The following CELF5 variants were observed in gnomAD, a reference collection of about 807,000 sequenced individuals.
The protein encoded by CELF5 is CUGBP Elav-like family member 5.
In CELF5, 6 loss-of-function variants were observed where a neutral mutation model predicts 54.9. The observed-to-expected ratio is 0.11, with a 90% CI of 0.06 to 0.22. The LOEUF (loss-of-function observed/expected upper bound fraction) is 0.22. CELF5 is among the 10% of genes least tolerant of loss of function. CELF5 has a pLI of 1.00. For synonymous variants in CELF5, 271 were observed against 290.9 expected (o/e 0.93, Z 0.70); for missense variants, 401 against 678.6 (o/e 0.59, Z 4.54).
At chr19:3,288,861 A>G (rs2080296030) in intron 10 of CELF5, among the ~76,000 whole-genome samples, 2 of 152,028 alleles carry the variant, frequency 1.3e-5, no homozygotes, top group African/African-American at 4.8e-5. Flanking sequence ...AAAAAAATCC[A>G]TTGCTGGCAA....
intron 2 of CELF5, among the ~76,000 whole-genome samples, chr19:3,256,679 C>T (rs1235480268): frequency 6.6e-6 from 1 of 150,434 alleles, no homozygotes; most frequent in Non-Finnish European, 1.5e-5. Flanking sequence ...AGCGATTCTC[C>T]TGCCTCAGCC....
chr19:3,230,756 C>T (rs143599536), intron 1 of CELF5, among the ~76,000 whole-genome samples: 8 of 152,274 alleles, frequency 5.3e-5, no homozygotes, highest in African/African-American at 1.7e-4. Context: ...TGCTCGTTTC[C>T]TTCACACCTG....
rs767517895 is a variant in CELF5, at chr19:3,281,376, C to T, written c.750+31C>T. ...TGACCCAGTGACAGCTTCGGGGCTC[C>T]GGCTCCGTCTCTCTCAGTCTCTGTC... is the stretch of plus-strand genomic sequence containing the variant. On this transcript the variant is annotated intron_variant, in intron 6 of 12. Coordinates refer to ENST00000292672, the MANE Select transcript of CELF5 (RefSeq NM_021938.4). The surrounding 1 kb of genome is among the most constrained non-coding windows in gnomAD (Gnocchi z 6.5). 16 of 1,579,970 alleles carry T rather than the reference C, an allele frequency of 1.0e-5. No individual in the cohort carries two copies. The highest frequency in any genetic ancestry group is 3.4e-5 in the Admixed American group (2 of 59,418).
At chr19:3,293,546 C>A (rs2145330370) in intron 12 of CELF5, 60 bp downstream of exon 12, 1 of 1,384,904 alleles carries the variant, frequency 7.2e-7, no homozygotes, top group East Asian at 2.5e-5. Flanking sequence ...AAACCCCCTC[C>A]CGCGGCCCAC....
In CELF5 at chr19:3,225,016, TC is replaced by T. The variant is rs780457278; in HGVS notation, c.259+24del. ...GCACAAAGGTGGGCGCCCGGCCCCC[TC>T]CCCCCTCTCCCCCTCCCTCCGCCTC... On this transcript the variant is annotated intron_variant, in intron 1 of 12. Transcript: ENST00000292672. The T allele has an allele frequency of 6.2e-6, 6 of 966,974 alleles. No individual in the cohort carries two copies. In the African/African-American group the frequency reaches 8.7e-5, roughly 14 times the overall value. 59.9% of individuals were successfully genotyped at this position (966,974 alleles called of 1,614,324 possible). A position where few individuals can be genotyped will look rare whatever the true frequency, so the allele number is the denominator to read the frequency against.
At chr19:3,277,974 G>A (rs1351177659) in intron 4 of CELF5, 57 bp from the exon 5 acceptor site, 9 of 1,416,734 alleles carry the variant, frequency 6.4e-6, no homozygotes, top group Admixed American at 3.4e-5. Context: ...TGTGGCCCCC[G>A]CTCAGCCAGT....
chr19:3,264,572 C>T (rs1175596180), intron 2 of CELF5, among the ~76,000 whole-genome samples: 4 of 151,786 alleles, frequency 2.6e-5, no homozygotes, highest in African/African-American at 4.8e-5. Context: ...CCCGCCACCA[C>T]GCCCGGCTAA....
At chr19:3,277,450 T>G (rs1022425703) in intron 4 of CELF5, among the ~76,000 whole-genome samples, 3 of 152,150 alleles carry the variant, frequency 2.0e-5, no homozygotes, top group African/African-American at 7.2e-5. Context: ...CTAGCCTGGG[T>G]GACGGAGCAA....
intron 2 of CELF5, among the ~76,000 whole-genome samples, chr19:3,260,828 TAGTC>T (rs1339781957): frequency 6.6e-6 from 1 of 151,842 alleles, no homozygotes; most frequent in Non-Finnish European, 1.5e-5. Flanking sequence ...TTCACCGTGT[TAGTC>T]AGGATGGTCT....
At chr19:3,291,836 C>G (rs1361515605) in intron 11 of CELF5, among the ~76,000 whole-genome samples, 2 of 151,952 alleles carry the variant, frequency 1.3e-5, no homozygotes, top group Non-Finnish European at 2.9e-5. Context: ...TCCTTGTACC[C>G]AAAGACAGAG....
At chr19:3,237,310 T>TA (rs1917658150) in intron 1 of CELF5, among the ~76,000 whole-genome samples, 1 of 55,384 alleles carries the variant, frequency 1.8e-5, no homozygotes, top group Non-Finnish European at 3.1e-5. Context: ...CGACTCCGTC[T>TA]CAAAAAAAAA....
At chr19:3,269,919 C>T (rs1599448707) in intron 2 of CELF5, among the ~76,000 whole-genome samples, 1 of 152,280 alleles carries the variant, frequency 6.6e-6, no homozygotes, top group South Asian at 2.1e-4. Flanking sequence ...TCTTGGTTTG[C>T]CCATCTGTAA....
At chr19:3,241,780 T>G (rs1056840640) in intron 1 of CELF5, among the ~76,000 whole-genome samples, 6 of 151,948 alleles carry the variant, frequency 3.9e-5, no homozygotes, top group Non-Finnish European at 7.4e-5. Context: ...AGTTTGTTGT[T>G]GTTGTGTGTT....
In CELF5 at chr19:3,228,155, C is replaced by T. The variant is rs1208804561; in HGVS notation, c.259+3157C>T. Among the ~76,000 whole-genome samples the T allele has an allele frequency of 1.3e-5, 2 of 151,760 alleles. No individual in the cohort carries two copies. Among genetic ancestry groups the T allele is most frequent in the Non-Finnish European group, 2.9e-5 (2 of 67,904 alleles). On this transcript the variant is annotated intron_variant, in intron 1 of 12. Transcript: ENST00000292672. The surrounding 1 kb of genome is among the most constrained non-coding windows in gnomAD (Gnocchi z 6.0). ...GAGGACACAGAGAGAGAGAGAGAGA[C>T]ACGCAGGGAAAGAGAGACAGAGAGA...
intron 4 of CELF5, among the ~76,000 whole-genome samples, chr19:3,277,307 T>G (rs911296538): frequency 8.6e-5 from 13 of 151,764 alleles, no homozygotes; most frequent in Admixed American, 8.5e-4. Flanking sequence ...AACCCGTCTC[T>G]ACAAAAAATA....
At chr19:3,296,525 C>T (rs2080456443) in intron 12 of CELF5, 1 of 150,770 alleles carries the variant, frequency 6.6e-6, no homozygotes, top group Non-Finnish European at 1.5e-5. Flanking sequence ...TTTCGATATT[C>T]CAGAGTTTGA....
intron 2 of CELF5, among the ~76,000 whole-genome samples, chr19:3,257,702 C>T (rs1271581385): frequency 1.3e-5 from 2 of 151,846 alleles, no homozygotes; most frequent in East Asian, 1.9e-4. Context: ...TCTCGAACTC[C>T]CGAGCTCAGA....
At position 3,268,289 on chromosome 19, in the gene CELF5, G is replaced by A. The variant is rs992848134; in HGVS notation, c.343-5583G>A. Among the ~76,000 whole-genome samples the A allele has an allele frequency of 1.3e-5, 2 of 152,164 alleles. No individual in the cohort carries two copies. The highest frequency in any genetic ancestry group is 3.9e-4 in the East Asian group (2 of 5,192). On this transcript the variant is annotated intron_variant, in intron 2 of 12. Coordinates refer to ENST00000292672, the MANE Select transcript of CELF5 (RefSeq NM_021938.4). This position sits in a 1 kb window ranked among gnomAD's most constrained non-coding sequence, Gnocchi z 4.4. ...GCTAAAGTGCTGGGGTTACAGGTGTGAGCCACCACACCCGGCACCTAGAAG... is the reference window on the plus strand; with the variant it reads ...GCTAAAGTGCTGGGGTTACAGGTGTAAGCCACCACACCCGGCACCTAGAAG...
At chr19:3,257,455 C>T (rs2079744006) in intron 2 of CELF5, among the ~76,000 whole-genome samples, 1 of 151,974 alleles carries the variant, frequency 6.6e-6, no homozygotes, top group Non-Finnish European at 1.5e-5. Context: ...TGTTTGTTTC[C>T]ACTTTTATTA....
Sources: allele counts gnomAD v4.1 joint callset (sites outside exome capture counted in the v4.1 genomes callset), GRCh38; gene constraint gnomAD v4.1.1; non-coding constraint Gnocchi (gnomAD v3.1); transcripts MANE v1.5; gene names NCBI Gene and HGNC (gene_info 2026-07-23, HGNC 2026-07-21).